OPN3: variants seen among roughly 807,000 people sequenced by gnomAD.
OPN3 encodes opsin-3.
A neutral mutation model predicts 33.8 loss-of-function variants in OPN3; 29 were observed. The observed-to-expected ratio is 0.86, with a 90% CI of 0.64 to 1.17. OPN3 has a LOEUF of 1.17. Ranked by LOEUF, OPN3 falls within the 50% of genes most tolerant of loss-of-function variation. The probability of loss-of-function intolerance (pLI) is 0.00; values close to 1 mark genes in which losing one functional copy is unlikely to be tolerated. For missense variants in OPN3, 437 were observed against 514.1 expected (o/e 0.85, Z 1.45); for synonymous variants, 216 against 216.1 (o/e 1.00, Z 0.00).
chr1:241,639,925 G>A lies in OPN3; in HGVS notation c.330C>T (p.Asp110=). The A allele has an allele frequency of 6.2e-7, 1 of 1,606,412 alleles. No individual in the cohort carries two copies. Among genetic ancestry groups the A allele is most frequent in the South Asian group, 1.1e-5 (1 of 90,168 alleles). The change falls in exon 1 of 4, where the codon GAC becomes GAT. Residue 110 remains aspartate (D), a synonymous_variant. Coordinates refer to ENST00000366554, the MANE Select transcript of OPN3 (RefSeq NM_014322.3). ...ACCCGTCCCACACGCAGCCCACGGTGTCCCACACCCAGCCGTTCCTCAGGC... is the reference window on the plus strand; with the variant it reads ...ACCCGTCCCACACGCAGCCCACGGTATCCCACACCCAGCCGTTCCTCAGGC... The part of the protein sequence containing the change: ...VSCLRNGWVW[D]TVGCVWDGFS...
chr1:241,627,328 G>A (rs1456745161), intron 1 of OPN3, among the ~76,000 whole-genome samples: 3 of 152,088 alleles, frequency 2.0e-5, no homozygotes, highest in African/African-American at 7.2e-5. Flanking sequence ...AGTGCTTTAT[G>A]TGTTACATAT....
At chr1:241,599,086 C>T (rs897456762) in intron 2 of OPN3, among the ~76,000 whole-genome samples, 1 of 151,978 alleles carries the variant, frequency 6.6e-6, no homozygotes, top group Non-Finnish European at 1.5e-5. Flanking sequence ...TCTCAAATTA[C>T]TGATATCCAA....
intron 1 of OPN3, chr1:241,635,580 G>A: frequency 6.2e-7 from 1 of 1,614,074 alleles, no homozygotes; most frequent in Non-Finnish European, 8.5e-7. Context: ...TTGTTTTGCT[G>A]ATACTCCTTC....
At chr1:241,618,775 T>C (rs1045029930) in intron 1 of OPN3, among the ~76,000 whole-genome samples, 8 of 152,094 alleles carry the variant, frequency 5.3e-5, no homozygotes, top group Non-Finnish European at 1.5e-5. Context: ...AATGGTTCTG[T>C]TCAATGAGAA....
intron 1 of OPN3, chr1:241,635,465 G>A: frequency 6.2e-7 from 1 of 1,613,812 alleles, no homozygotes. Context: ...GTAGCAAAAA[G>A]CTTCTGTGTG....
At position 241,634,359 on chromosome 1, in the gene OPN3, A is replaced by T. The variant is rs763651268; in HGVS notation, c.373+5523T>A. 5.0e-6 allele frequency: 8 copies of T among 1,613,940 alleles called. No individual in the cohort carries two copies. The South Asian group carries it at 5.5e-5, about 11-fold the overall frequency. ...ATCAGAATGGAAGTCTGCTGATCTA[A>T]ATCTGTCTTTAGTATAGACTGATCT... is the stretch of plus-strand genomic sequence containing the variant. On this transcript the variant is annotated intron_variant, in intron 1 of 3. Coordinates refer to ENST00000366554, the MANE Select transcript of OPN3 (RefSeq NM_014322.3).
chr1:241,596,686 G>A (rs1178528524), intron 3 of OPN3, among the ~76,000 whole-genome samples: 1 of 152,202 alleles, frequency 6.6e-6, no homozygotes, highest in Non-Finnish European at 1.5e-5. Context: ...TTCCAATGGA[G>A]TAATTAAGCA....
chr1:241,621,593 C>T (rs1467801769), intron 1 of OPN3, among the ~76,000 whole-genome samples: 1 of 151,928 alleles, frequency 6.6e-6, no homozygotes, highest in East Asian at 1.9e-4. Flanking sequence ...TGGGGTATAC[C>T]TGGTGTTAAG....
At chr1:241,607,644 GAAGAAAGAAGA>G (rs1663873347) in intron 1 of OPN3, among the ~76,000 whole-genome samples, 2 of 143,936 alleles carry the variant, frequency 1.4e-5, no homozygotes, top group African/African-American at 5.1e-5. Context: ...AAGGAAGAAA[GAAGAAAGAAGA>G]AAGAAAGAAA....
chr1:241,615,627 G>A (rs1386288554), intron 1 of OPN3, among the ~76,000 whole-genome samples: 1 of 152,050 alleles, frequency 6.6e-6, no homozygotes, highest in African/African-American at 2.4e-5. Context: ...AGCCATCTAT[G>A]ACTAAATTTC....
At position 241,634,194 on chromosome 1, in the gene OPN3, CTG is replaced by C; in HGVS notation, c.373+5686_373+5687del. 1.9e-6 allele frequency: 3 copies of C among 1,613,974 alleles called. No homozygotes were observed. In the Admixed American group the frequency reaches 5.0e-5, roughly 27 times the overall value. On this transcript the variant is annotated intron_variant, in intron 1 of 3. Coordinates refer to ENST00000366554, the MANE Select transcript of OPN3 (RefSeq NM_014322.3). ...TACGGAGTGAATAATTTCTTCACCACTGATTCTAAGTCTTCTCTTGCTGTTTT... is the reference window on the plus strand; with the variant it reads ...TACGGAGTGAATAATTTCTTCACCACATTCTAAGTCTTCTCTTGCTGTTTT...
chr1:241,633,685 A>T, intron 1 of OPN3: 1 of 1,084,610 alleles, frequency 9.2e-7, no homozygotes, highest in Non-Finnish European at 1.3e-6. Flanking sequence ...TCTGCATAGC[A>T]TTCATCATAT....
chr1:241,627,437 G>A (rs896774689), intron 1 of OPN3, among the ~76,000 whole-genome samples: 4 of 152,150 alleles, frequency 2.6e-5, no homozygotes, highest in Non-Finnish European at 4.4e-5. Context: ...GAGAGTCCAG[G>A]CAAGTCACTT....
chr1:241,615,897 C>T, intron 1 of OPN3: 1 of 456,736 alleles, frequency 2.2e-6, no homozygotes, highest in Non-Finnish European at 4.4e-6. Context: ...CATGGAGGCT[C>T]TGGCTTCCCT....
chr1:241,597,645 T>C, intron 3 of OPN3, 101 bp downstream of exon 3: 1 of 1,202,722 alleles, frequency 8.3e-7, no homozygotes. Context: ...CTTGTTTTTT[T>C]TTTAATTGAA....
At chr1:241,608,714 GT>G (rs967238707) in intron 1 of OPN3, among the ~76,000 whole-genome samples, 1 of 152,160 alleles carries the variant, frequency 6.6e-6, no homozygotes, top group Non-Finnish European at 1.5e-5. Context: ...TACTAATATC[GT>G]TTTTGATCAA....
chr1:241,626,536 TACTTC>T (rs1168307940), intron 1 of OPN3, among the ~76,000 whole-genome samples: 3 of 152,198 alleles, frequency 2.0e-5, no homozygotes, highest in African/African-American at 7.2e-5. Context: ...TTCTCCATAA[TACTTC>T]ACTTAAATCA....
chr1:241,605,884 A>T (rs770066022), intron 1 of OPN3, among the ~76,000 whole-genome samples: 2 of 152,236 alleles, frequency 1.3e-5, no homozygotes, highest in Admixed American at 6.5e-5. Context: ...CTTCTAGCTA[A>T]CGTTTGTGTT....
chr1:241,635,604 A>G (rs904185374), intron 1 of OPN3: 1 of 1,613,984 alleles, frequency 6.2e-7, no homozygotes, highest in African/African-American at 1.3e-5. Flanking sequence ...CAGGATAGCA[A>G]TCCTGAAAAG....
Sources: allele counts gnomAD v4.1 joint callset (sites outside exome capture counted in the v4.1 genomes callset), GRCh38; gene constraint gnomAD v4.1.1; transcripts MANE v1.5; gene names NCBI Gene and HGNC (gene_info 2026-07-23, HGNC 2026-07-21).